The following DMRT1 variants were observed in gnomAD, a reference collection of about 807,000 sequenced individuals.
The protein encoded by DMRT1 is doublesex and mab-3 related transcription factor 1, also known as doublesex- and mab-3-related transcription factor 1.
A neutral mutation model predicts 32.3 loss-of-function variants in DMRT1; 7 were observed. The observed-to-expected ratio is 0.22, with a 90% CI of 0.12 to 0.41. DMRT1 has a LOEUF of 0.41. DMRT1 is among the 10% of genes least tolerant of loss of function. The pLI, the probability that DMRT1 is intolerant of heterozygous loss-of-function variation, is 1.00. For synonymous variants in DMRT1, 278 were observed against 206.1 expected, an observed-to-expected ratio of 1.35 and a Z score of -2.99; for missense variants, 625 against 500.5, an observed-to-expected ratio of 1.25 and a Z score of -2.37.
chr9:901,479 A>C (rs1817572413), intron 3 of DMRT1, among the ~76,000 whole-genome samples: 1 of 151,674 alleles, frequency 6.6e-6, no homozygotes, highest in African/African-American at 2.4e-5. Flanking sequence ...GGCCCCTGCC[A>C]CCATGCCTGG....
rs79946349 is a variant in DMRT1 at position 905,343 on chromosome 9, C to T, written c.822+11148C>T. On this transcript the variant is annotated intron_variant, in intron 3 of 4. Coordinates refer to ENST00000382276, the MANE Select transcript of DMRT1 (RefSeq NM_021951.3). Reference sequence around the variant, plus strand: ...ACATTTTATTTATCACATTCCTTCTCACAACATTCTTTCTGGCAAGTCCCA... The same window carrying T: ...ACATTTTATTTATCACATTCCTTCTTACAACATTCTTTCTGGCAAGTCCCA... Among the ~76,000 whole-genome samples, 1,374 of 152,254 alleles carry T rather than the reference C, an allele frequency of 9.0e-3. 18 individuals carry two copies. Among genetic ancestry groups the T allele is most frequent in the African/African-American group, 0.031 (1,297 of 41,534 alleles).
chr9:964,434 G>A (rs1250299650), intron 4 of DMRT1, among the ~76,000 whole-genome samples: 2 of 151,912 alleles, frequency 1.3e-5, no homozygotes, highest in African/African-American at 4.8e-5. Context: ...GTTCAAACAA[G>A]GGTCAGCCTC....
At chr9:890,751 G>A (rs541386574) in intron 2 of DMRT1, among the ~76,000 whole-genome samples, 1 of 152,152 alleles carries the variant, frequency 6.6e-6, no homozygotes, top group South Asian at 2.1e-4. Context: ...GTCTCATTCT[G>A]TCACCCAGGC....
chr9:892,989 G>A (rs1036983374), intron 2 of DMRT1, among the ~76,000 whole-genome samples: 4 of 151,862 alleles, frequency 2.6e-5, no homozygotes, highest in African/African-American at 4.8e-5. Context: ...GTGCAGTTTT[G>A]TCCATGAATT....
intron 2 of DMRT1, among the ~76,000 whole-genome samples, chr9:872,959 A>T (rs1816337239): frequency 6.6e-6 from 1 of 152,192 alleles, no homozygotes; most frequent in South Asian, 2.1e-4. Flanking sequence ...CCCACATTAA[A>T]GGCAGATCTT....
rs142783762 is a variant in DMRT1 at position 870,395 on chromosome 9, G to A, written c.538+23252G>A. 4.4e-3 allele frequency among the ~76,000 whole-genome samples: 540 copies of A among 122,096 alleles called. 4 individuals carry two copies. The highest frequency in any genetic ancestry group is 0.013 in the African/African-American group (501 of 38,508). 80.1% of individuals were successfully genotyped at this position (122,096 alleles called of 152,430 possible). On this transcript the variant is annotated intron_variant, in intron 2 of 4. Transcript: ENST00000382276. ...GCTTGGACAACAAGAATGAAACTCT[G>A]TCTCAAAAAACAACAACAATAACAA... is the stretch of plus-strand genomic sequence containing the variant.
chr9:864,220 T>C (rs1306993675), intron 2 of DMRT1, among the ~76,000 whole-genome samples: 1 of 151,916 alleles, frequency 6.6e-6, no homozygotes. Flanking sequence ...TTCTTTTTTT[T>C]TTTTTGAGAC....
chr9:864,925 A>T (rs1025977416), intron 2 of DMRT1, among the ~76,000 whole-genome samples: 2 of 152,220 alleles, frequency 1.3e-5, no homozygotes, highest in African/African-American at 4.8e-5. Flanking sequence ...AGTTCCATTC[A>T]TTATATAATA....
At position 841,970 on chromosome 9, in the gene DMRT1, C is replaced by T. The variant is rs919958313; in HGVS notation, c.132C>T (p.Gly44=). The change falls in exon 1 of 5, where the codon GGC becomes GGT. Residue 44 remains glycine, a synonymous_variant. Coordinates refer to ENST00000382276, the MANE Select transcript of DMRT1 (RefSeq NM_021951.3). Reference sequence around the variant, plus strand: ...GGGCGCTAGTGGGGGCGGCCAGCGGCTCGAGCGCCGGGGGCAGCAGCAGAG... The same window carrying T: ...GGGCGCTAGTGGGGGCGGCCAGCGGTTCGAGCGCCGGGGGCAGCAGCAGAG... The part of the protein sequence containing the change: ...ASGALVGAAS[G]SSAGGSSRGG... The T allele has an allele frequency of 1.1e-5, 18 of 1,586,088 alleles. No individual in the cohort carries two copies. Among genetic ancestry groups the T allele is most frequent in the Non-Finnish European group, 1.5e-5 (17 of 1,166,968 alleles).
At chr9:878,690 T>C (rs1054977519) in intron 2 of DMRT1, among the ~76,000 whole-genome samples, 38 of 152,120 alleles carry the variant, frequency 2.5e-4, no homozygotes, top group African/African-American at 8.2e-4. Context: ...TGCGGAGTTA[T>C]TTGGTGGCTC....
At chr9:927,298 C>G (rs1203019854) in intron 4 of DMRT1, among the ~76,000 whole-genome samples, 2 of 152,244 alleles carry the variant, frequency 1.3e-5, no homozygotes, top group Non-Finnish European at 2.9e-5. Context: ...TGAAGCTTGT[C>G]ATGCATCTTT....
chr9:922,704 C>T (rs888154841), intron 4 of DMRT1, among the ~76,000 whole-genome samples: 3 of 152,106 alleles, frequency 2.0e-5, no homozygotes, highest in Non-Finnish European at 2.9e-5. Flanking sequence ...CTTTTGGTTC[C>T]GTCTCAGAGT....
intron 1 of DMRT1, among the ~76,000 whole-genome samples, chr9:845,273 G>C (rs1242362518): frequency 6.6e-6 from 1 of 151,810 alleles, no homozygotes; most frequent in Non-Finnish European, 1.5e-5. Flanking sequence ...GCAGTGGCTC[G>C]ATTTCGGCTC....
intron 2 of DMRT1, among the ~76,000 whole-genome samples, chr9:856,103 G>C (rs1410089203): frequency 2.0e-5 from 3 of 151,634 alleles, no homozygotes; most frequent in Non-Finnish European, 4.4e-5. Context: ...TTTTAGTAGA[G>C]ACGAGGTTTC....
intron 3 of DMRT1, among the ~76,000 whole-genome samples, chr9:904,922 A>G (rs1367780685): frequency 1.4e-5 from 2 of 147,574 alleles, no homozygotes; most frequent in Non-Finnish European, 3.0e-5. Context: ...AGCCTGGGCA[A>G]CAAGAACGAA....
Position 842,002 on chromosome 9 carries a change from G to T in DMRT1, c.164G>T (p.Gly55Val), listed in dbSNP as rs1838703853. The change falls in exon 1 of 5, where the codon GGC becomes GTC. Residue 55 changes from glycine to valine, a missense_variant. Transcript: ENST00000382276. The stretch of plus-strand genomic sequence containing the variant: ...GCCGGGGGCAGCAGCAGAGGAGGCG[G>T]CTCCGGCTCCGGGGCGTCGGACCTG... ...SSAGGSSRGG[G>V]SGSGASDLGA... The T allele has an allele frequency of 6.4e-7, 1 of 1,557,506 alleles. No individual in the cohort carries two copies. Among genetic ancestry groups the T allele is most frequent in the East Asian group, 2.4e-5 (1 of 41,970 alleles).
At chr9:917,993 A>G (rs978543173) in intron 4 of DMRT1, among the ~76,000 whole-genome samples, 2 of 152,230 alleles carry the variant, frequency 1.3e-5, no homozygotes, top group African/African-American at 4.8e-5. Context: ...AAGTATTCAT[A>G]CTATATAATG....
intron 2 of DMRT1, among the ~76,000 whole-genome samples, chr9:871,261 C>G (rs536443260): frequency 6.6e-6 from 1 of 151,262 alleles, no homozygotes; most frequent in Admixed American, 6.6e-5. Context: ...TTATTGAGCT[C>G]GAGCAATTCT....
intron 4 of DMRT1, 48 bp from the exon 5 acceptor site, chr9:967,936 AT>A: frequency 1.5e-6 from 2 of 1,359,262 alleles, no homozygotes; most frequent in Admixed American, 2.5e-5. Flanking sequence ...CACTTTTAAC[AT>A]TACTCCCTTT....
Sources: gnomAD v4.1 joint callset for allele counts (sites outside exome capture counted in the v4.1 genomes callset) on GRCh38, gnomAD v4.1.1 for gene constraint, MANE v1.5 for transcripts, NCBI Gene and HGNC (gene_info 2026-07-23, HGNC 2026-07-21) for gene names.